Variants in CBY2 observed in about 807,000 individuals in gnomAD.
The protein encoded by CBY2 is chibby family member 2, also known as protein chibby homolog 2.
Under a neutral mutation model 25.3 loss-of-function variants are expected in CBY2, and 23 were observed. The ratio of observed to expected loss-of-function variants is 0.91; its 90% CI spans 0.65 to 1.29. The LOEUF is 1.29. CBY2 is among the 50% of genes most tolerant of loss of function. CBY2 has a pLI of 0.00. For missense variants in CBY2, 642 were observed against 590.7 expected (o/e 1.09, Z -0.90); for synonymous variants, 279 against 260.2 (o/e 1.07, Z -0.70).
At chr13:45,706,057 C>T (rs1950237976) in intron 2 of CBY2, among the ~76,000 whole-genome samples, 1 of 152,252 alleles carries the variant, frequency 6.6e-6, no homozygotes, top group Non-Finnish European at 1.5e-5. Flanking sequence ...CCCAGTAATT[C>T]TATCCCAGAA....
intron 1 of CBY2, 46 bp from the exon 2 acceptor site, chr13:45,702,729 G>A (rs374171781): frequency 6.1e-6 from 9 of 1,483,176 alleles, no homozygotes; most frequent in Admixed American, 3.4e-5. Flanking sequence ...GAGGCCCAGA[G>A]GATGAGCTGG....
At chr13:45,710,107 T>C (rs61953008) in intron 2 of CBY2, among the ~76,000 whole-genome samples, 24,731 of 152,178 alleles carry the variant, frequency 0.16, 2,155 homozygotes, top group Middle Eastern at 0.21. Context: ...CTTCTTCCAT[T>C]TTCTTCTCAG....
Position 45,714,094 on chromosome 13 carries a change from C to T in CBY2, c.1069C>T (p.Gln357Ter). The T allele has an allele frequency of 6.5e-7, 1 of 1,546,596 alleles. No individual in the cohort carries two copies. The highest frequency in any genetic ancestry group is 8.7e-7 in the Non-Finnish European group (1 of 1,144,932). The change falls in exon 3 of 3, where the codon CAG (glutamine) becomes TAG (stop). Residue 357 changes from glutamine to a stop codon, truncating the protein, a stop_gained. Coordinates refer to ENST00000310521, the MANE Select transcript of CBY2 (RefSeq NM_152719.3). LOFTEE classifies it high-confidence loss of function. Reference sequence around the variant, plus strand: ...CCTGCCCGACGGCTGCCAGCCCCTGCAGCTGCTGAGAGAGATGAGGCAGGC... The same window carrying T: ...CCTGCCCGACGGCTGCCAGCCCCTGTAGCTGCTGAGAGAGATGAGGCAGGC... ...PGLPDGCQPL[Q>*]LLREMRQALQ...
rs1295926148 is a variant in CBY2 at position 45,709,844 on chromosome 13, CTT to C, written c.157-3335_157-3334del. ...TCATGTTCCCCAAAGTACTGCAGGA[CTT>C]TTGATAAATCCATGGTGGTTTCCCA... On this transcript the variant is annotated intron_variant, in intron 2 of 2. Coordinates refer to ENST00000310521, the MANE Select transcript of CBY2 (RefSeq NM_152719.3). 2.0e-5 allele frequency among the ~76,000 whole-genome samples: 3 copies of C among 152,232 alleles called. No homozygotes were observed. In the East Asian group the frequency reaches 5.8e-4, roughly 29 times the overall value.
At position 45,702,344 on chromosome 13, in the gene CBY2, G is replaced by T. The variant is rs1423228532; in HGVS notation, c.-47G>T. ...CAGATGCCTCATTCCCACCTGTGAT[G>T]CTCAGAGAGAAACCATGAGCCCTGA... is the stretch of plus-strand genomic sequence containing the variant. On this transcript the variant is annotated 5_prime_UTR_variant, in exon 1 of 3. The change abolishes an upstream ATG in the 5' untranslated region. Coordinates refer to ENST00000310521, the MANE Select transcript of CBY2 (RefSeq NM_152719.3). 1 of 1,545,096 alleles carries T rather than the reference G, an allele frequency of 6.5e-7. No homozygotes were observed. Among genetic ancestry groups the T allele is most frequent in the East Asian group, 2.2e-5 (1 of 44,612 alleles).
At position 45,704,610 on chromosome 13, in the gene CBY2, G is replaced by A. The variant is rs1950229993; in HGVS notation, c.156+1755G>A. On this transcript the variant is annotated intron_variant, in intron 2 of 2. Transcript: ENST00000310521. The surrounding 1 kb of genome is among the most constrained non-coding windows in gnomAD (Gnocchi z 4.1). Reference sequence around the variant, plus strand: ...CCTAAATGAGATGGCACATGGCTTAGGGGACAGGGTTGATCTGGGAAGCAA... The same window carrying A: ...CCTAAATGAGATGGCACATGGCTTAAGGGACAGGGTTGATCTGGGAAGCAA... Among the ~76,000 whole-genome samples, 1 of 152,208 alleles carries A rather than the reference G, an allele frequency of 6.6e-6. No individual in the cohort carries two copies. The highest frequency in any genetic ancestry group is 1.5e-5 in the Non-Finnish European group (1 of 68,040).
intron 2 of CBY2, among the ~76,000 whole-genome samples, chr13:45,706,937 C>T (rs955587312): frequency 4.6e-5 from 7 of 152,182 alleles, no homozygotes; most frequent in South Asian, 2.1e-4. Context: ...ATATACTCCA[C>T]GTTGCATAGC....
At position 45,704,778 on chromosome 13, in the gene CBY2, C is replaced by T. The variant is rs1168776015; in HGVS notation, c.156+1923C>T. On this transcript the variant is annotated intron_variant, in intron 2 of 2. Coordinates refer to ENST00000310521, the MANE Select transcript of CBY2 (RefSeq NM_152719.3). The surrounding 1 kb of genome is among the most constrained non-coding windows in gnomAD (Gnocchi z 4.1). ...GTAATGGCAGAGCTCGAGGAAGGGGCTTGAACTCAAATCAGTGCCCATGTT... is the reference window on the plus strand; with the variant it reads ...GTAATGGCAGAGCTCGAGGAAGGGGTTTGAACTCAAATCAGTGCCCATGTT... 1.3e-5 allele frequency among the ~76,000 whole-genome samples: 2 copies of T among 152,188 alleles called. No individual in the cohort carries two copies. Among genetic ancestry groups the T allele is most frequent in the Non-Finnish European group, 2.9e-5 (2 of 68,028 alleles).
At chr13:45,705,871 G>C (rs1950237034) in intron 2 of CBY2, among the ~76,000 whole-genome samples, 1 of 152,154 alleles carries the variant, frequency 6.6e-6, no homozygotes, top group Non-Finnish European at 1.5e-5. Flanking sequence ...TGGCAAAGTT[G>C]GTGTTTAAGA....
Position 45,704,040 on chromosome 13 carries a change from T to C in CBY2, c.156+1185T>C, listed in dbSNP as rs1950226469. On this transcript the variant is annotated intron_variant, in intron 2 of 2. Coordinates refer to ENST00000310521, the MANE Select transcript of CBY2 (RefSeq NM_152719.3). This position sits in a 1 kb window ranked among gnomAD's most constrained non-coding sequence, Gnocchi z 4.1. ...TTTGAAAGTACCTCAGATGGCTGAATGTTCTCTGATAGTAACCCTCGGTAA... is the reference window on the plus strand; with the variant it reads ...TTTGAAAGTACCTCAGATGGCTGAACGTTCTCTGATAGTAACCCTCGGTAA... 1.3e-5 allele frequency among the ~76,000 whole-genome samples: 2 copies of C among 152,158 alleles called. No homozygotes were observed. Among genetic ancestry groups the C allele is most frequent in the Admixed American group, 6.5e-5 (1 of 15,276 alleles).
At chr13:45,706,912 C>A (rs1950242597) in intron 2 of CBY2, among the ~76,000 whole-genome samples, 1 of 152,080 alleles carries the variant, frequency 6.6e-6, no homozygotes, top group Non-Finnish European at 1.5e-5. Context: ...TTTTGGGTAG[C>A]CCTTTTGTAA....
chr13:45,702,937 A>G, intron 2 of CBY2, 82 bp downstream of exon 2: 1 of 1,269,368 alleles, frequency 7.9e-7, no homozygotes, highest in African/African-American at 1.5e-5. Context: ...CTCTAGCAAG[A>G]TGTTGTAGAA....
intron 2 of CBY2, among the ~76,000 whole-genome samples, chr13:45,711,351 C>G (rs905521255): frequency 1.2e-4 from 19 of 152,154 alleles, no homozygotes; most frequent in African/African-American, 4.6e-4. Context: ...TTCTATTTTA[C>G]AGGTATATTT....
At chr13:45,710,154 C>T (rs1950261438) in intron 2 of CBY2, among the ~76,000 whole-genome samples, 1 of 152,120 alleles carries the variant, frequency 6.6e-6, no homozygotes, top group African/African-American at 2.4e-5. Flanking sequence ...CCACATTTTT[C>T]CATGTTGATA....
chr13:45,704,892 T>C lies in CBY2; in HGVS notation c.156+2037T>C, dbSNP rs1950231661. 6.6e-6 allele frequency among the ~76,000 whole-genome samples: 1 copy of C among 152,234 alleles called. No individual in the cohort carries two copies. Among genetic ancestry groups the C allele is most frequent in the Admixed American group, 6.5e-5 (1 of 15,292 alleles). On this transcript the variant is annotated intron_variant, in intron 2 of 2. Coordinates refer to ENST00000310521, the MANE Select transcript of CBY2 (RefSeq NM_152719.3). The surrounding 1 kb of genome is among the most constrained non-coding windows in gnomAD (Gnocchi z 4.1). Reference sequence around the variant, plus strand: ...TCTCTTGCTTTTTGGAGATGGAGTCTTCTCCCTGCATCTTAACCACTCATC... The same window carrying C: ...TCTCTTGCTTTTTGGAGATGGAGTCCTCTCCCTGCATCTTAACCACTCATC...
Position 45,713,568 on chromosome 13 carries a change from C to A in CBY2, c.543C>A (p.Ala181=). ...ENKSLREENK[A]LREENRMLSK... is the part of the protein sequence containing the mutation. ...AGTCTCTGCGGGAGGAGAACAAGGC[C>A]CTGCGCGAGGAGAACCGGATGCTCA... Residue 181 remains alanine, a synonymous_variant, in exon 3 of 3, where the codon GCC becomes GCA. Coordinates refer to ENST00000310521, the MANE Select transcript of CBY2 (RefSeq NM_152719.3). This position sits in a 1 kb window ranked among gnomAD's most constrained non-coding sequence, Gnocchi z 5.0. 1 of 1,613,838 alleles carries A rather than the reference C, an allele frequency of 6.2e-7. No homozygotes were observed. Among genetic ancestry groups the A allele is most frequent in the Non-Finnish European group, 8.5e-7 (1 of 1,179,848 alleles).
intron 2 of CBY2, chr13:45,703,478 T>C: frequency 6.5e-7 from 1 of 1,549,206 alleles, no homozygotes; most frequent in Non-Finnish European, 8.7e-7. Context: ...CTACTGCTGC[T>C]ATGTCACAAA....
rs577844522 is a variant in CBY2 at position 45,702,462 on chromosome 13, A to G, written c.72A>G (p.Thr24=). The G allele has an allele frequency of 9.9e-6, 16 of 1,613,008 alleles. No individual in the cohort carries two copies. The highest frequency in any genetic ancestry group is 6.7e-5 in the Admixed American group (4 of 60,032). The change falls in exon 1 of 3, where the codon ACA becomes ACG. Residue 24 remains threonine (T), a synonymous_variant. Transcript: ENST00000310521. ...LLHRTYTWQL[T]LHSRPNYTRK... ...ATAGGACCTATACCTGGCAACTCAC[A>G]TTGGTATGGCTTTTTACTTGAGATA...
intron 2 of CBY2, among the ~76,000 whole-genome samples, chr13:45,712,151 C>G (rs1247902636): frequency 1.3e-5 from 2 of 152,210 alleles, no homozygotes; most frequent in Non-Finnish European, 2.9e-5. Context: ...GAGTACACAT[C>G]TGTGGGTGGT....
Sources: allele counts gnomAD v4.1 joint callset (sites outside exome capture counted in the v4.1 genomes callset), GRCh38; gene constraint gnomAD v4.1.1; non-coding constraint Gnocchi (gnomAD v3.1); transcripts MANE v1.5; gene names NCBI Gene and HGNC (gene_info 2026-07-23, HGNC 2026-07-21).